Variants in VWA3A observed in about 807,000 individuals in gnomAD.
VWA3A encodes von Willebrand factor A domain containing 3A, also known as von Willebrand factor A domain-containing protein 3A.
A neutral mutation model predicts 160.4 loss-of-function variants in VWA3A; 134 were observed. The observed-to-expected ratio is 0.84, with a 90% CI of 0.73 to 0.96. The LOEUF is 0.96. VWA3A is among the 40% of genes least tolerant of loss of function. VWA3A has a pLI of 0.00. For missense variants in VWA3A, 1,310 were observed against 1,447.9 expected, an observed-to-expected ratio of 0.90 and a Z score of 1.55; for synonymous variants, 476 against 543.4, an observed-to-expected ratio of 0.88 and a Z score of 1.72.
chr16:22,110,953 C>G lies in VWA3A; in HGVS notation c.648C>G (p.Ala216=), dbSNP rs373840763. 32 of 1,610,256 alleles carry G rather than the reference C, an allele frequency of 2.0e-5. No homozygotes were observed. The highest frequency in any genetic ancestry group is 1.5e-4 in the Admixed American group (9 of 59,530). Residue 216 remains alanine (A), a synonymous_variant, in exon 8 of 34, where the codon GCC becomes GCG. Coordinates refer to ENST00000389398, the MANE Select transcript of VWA3A (RefSeq NM_173615.5). The part of the protein sequence containing the change: ...KLFVLSFGTN[A]GSLWPDPMEV... ...TTGTCCTGTCCTTTGGCACCAATGC[C>G]GGGTCCCTCTGGCCAGACCCCATGG...
intron 1 of VWA3A, among the ~76,000 whole-genome samples, chr16:22,095,941 A>C (rs1421150709): frequency 6.6e-6 from 1 of 152,046 alleles, no homozygotes; most frequent in Non-Finnish European, 1.5e-5. Context: ...TAGTTTTTTA[A>C]TATCAGTCTC....
At chr16:22,131,870 G>C (rs2045955508) in intron 19 of VWA3A, 141 bp downstream of exon 19, 2 of 1,235,686 alleles carry the variant, frequency 1.6e-6, no homozygotes, top group Admixed American at 3.0e-5. Flanking sequence ...AAGCACCTAA[G>C]GATGCTGTTA....
chr16:22,119,797 C>T (rs1598065403), intron 12 of VWA3A, among the ~76,000 whole-genome samples: 1 of 152,088 alleles, frequency 6.6e-6, no homozygotes, highest in Non-Finnish European at 1.5e-5. Context: ...GCAGGTGGAT[C>T]GCTTGAGGTG....
rs2046318173 is a variant in VWA3A at position 22,149,846 on chromosome 16, C to T, written c.3044C>T (p.Thr1015Ile). Reference protein sequence around the residue: ...FQSWQDTLVETTDAACHEAMQ... With the variant: ...FQSWQDTLVEITDAACHEAMQ... ...TCATGGCAGGACACGCTGGTGGAGACCACAGATGCAGCGTGTCATGAGGCT... is the reference window on the plus strand; with the variant it reads ...TCATGGCAGGACACGCTGGTGGAGATCACAGATGCAGCGTGTCATGAGGCT... Residue 1015 changes from threonine to isoleucine, a missense_variant, in exon 29 of 34, where the codon ACC becomes ATC. Physicochemically the swap from Thr to Ile is moderately conservative, Grantham distance 89 (BLOSUM62 -1). Coordinates refer to ENST00000389398, the MANE Select transcript of VWA3A (RefSeq NM_173615.5). 1 of 1,611,630 alleles carries T rather than the reference C, an allele frequency of 6.2e-7. No individual in the cohort carries two copies. The highest frequency in any genetic ancestry group is 1.7e-5 in the Admixed American group (1 of 59,794).
intron 5 of VWA3A, among the ~76,000 whole-genome samples, chr16:22,102,884 G>C (rs185393151): frequency 6.6e-6 from 1 of 152,082 alleles, no homozygotes; most frequent in Non-Finnish European, 1.5e-5. Flanking sequence ...GAAAGGAGAC[G>C]AGGTTACATG....
In VWA3A at chr16:22,148,317, AG is replaced by A; in HGVS notation, c.2984+14del. ...GAAGTGCTGTGACAGGTAGGAGGCG[AG>A]GGCTGATCAGGAAGATCAAAGGGGC... On this transcript the variant is annotated intron_variant, in intron 28 of 33. Transcript: ENST00000389398. 1 of 1,584,870 alleles carries A rather than the reference AG, an allele frequency of 6.3e-7. No individual in the cohort carries two copies. Among genetic ancestry groups the A allele is most frequent in the Admixed American group, 1.8e-5 (1 of 55,170 alleles).
intron 12 of VWA3A, 70 bp downstream of exon 12, chr16:22,119,097 C>A (rs1598064624): frequency 6.6e-7 from 1 of 1,518,612 alleles, no homozygotes; most frequent in East Asian, 2.5e-5. Flanking sequence ...TCCCCTTTCT[C>A]ACCTGTTCAT....
At chr16:22,095,112 C>A (rs1425877648) in intron 1 of VWA3A, among the ~76,000 whole-genome samples, 1 of 152,106 alleles carries the variant, frequency 6.6e-6, no homozygotes, top group African/African-American at 2.4e-5. Context: ...TTTAAAAAAT[C>A]CCTCTAATGA....
At chr16:22,100,964 C>CAAAA (rs59096934) in intron 5 of VWA3A, among the ~76,000 whole-genome samples, 1 of 60,774 alleles carries the variant, frequency 1.6e-5, no homozygotes, top group Non-Finnish European at 3.5e-5. Context: ...GACCCTGTCT[C>CAAAA]AAAAAAAAAA....
At chr16:22,147,539 G>A (rs897709587) in intron 27 of VWA3A, 14 of 702,282 alleles carry the variant, frequency 2.0e-5, no homozygotes, top group Middle Eastern at 2.4e-4. Context: ...GGCTTTGTAC[G>A]TGCCACTCAG....
chr16:22,138,283 C>G, intron 21 of VWA3A, 77 bp from the exon 22 acceptor site: 1 of 1,455,818 alleles, frequency 6.9e-7, no homozygotes, highest in Non-Finnish European at 9.2e-7. Context: ...TGGATACAGT[C>G]CCTCCTGCTG....
rs764795769 is a variant in VWA3A at position 22,133,094 on chromosome 16, A to AGGTAC, written c.2068_2068+4dup. On this transcript the variant is annotated frameshift_variant and splice_region_variant, in exon 20 of 34. Coordinates refer to ENST00000389398, the MANE Select transcript of VWA3A (RefSeq NM_173615.5). LOFTEE classifies it high-confidence loss of function. ...GCCGCTTCCACTGGTTTGGAGACAC[A>AGGTAC]GGTACATGACTGTTTCCTCATCCCT... is the stretch of plus-strand genomic sequence containing the variant. 6.2e-7 allele frequency: 1 copy of AGGTAC among 1,611,158 alleles called. No individual in the cohort carries two copies. Among genetic ancestry groups the AGGTAC allele is most frequent in the Non-Finnish European group, 8.5e-7 (1 of 1,178,730 alleles).
At position 22,100,114 on chromosome 16, in the gene VWA3A, C is replaced by T. The variant is rs1567526162; in HGVS notation, c.226-80C>T. 19 of 1,451,166 alleles carry T rather than the reference C, an allele frequency of 1.3e-5. 1 individual carries two copies. In the South Asian group the frequency reaches 2.1e-4, roughly 16 times the overall value. The allele number at this position is 1,451,166 out of a possible 1,614,324, so 89.9% of individuals were successfully genotyped here. On this transcript the variant is annotated intron_variant, in intron 3 of 33. Coordinates refer to ENST00000389398, the MANE Select transcript of VWA3A (RefSeq NM_173615.5). ...GATAGGGTCAGTCTGAGTTGGCGCC[C>T]GTTGGGTATCTGTGTGAAGGGAACC...
At chr16:22,116,349 G>T (rs529608565) in intron 9 of VWA3A, 36 of 414,464 alleles carry the variant, frequency 8.7e-5, no homozygotes, top group Non-Finnish European at 1.4e-4. Context: ...AAAGAAAAAA[G>T]AAAAGGAAGG....
chr16:22,144,344 C>T lies in VWA3A; in HGVS notation c.2690C>T (p.Ser897Phe), dbSNP rs144959211. The T allele has an allele frequency of 4.5e-5, 72 of 1,613,942 alleles. 2 individuals are homozygous for T. The East Asian group carries it at 1.4e-3, about 31-fold the overall frequency. The stretch of plus-strand genomic sequence containing the variant: ...CAAAAGTCAGGACAGAGGTCAGCAT[C>T]CGCCAAACACTGCAGCATCTTCCCC... ...THQKSGQRSASAKHCSIFPSV... is the reference protein window; with the variant it reads ...THQKSGQRSAFAKHCSIFPSV... The change falls in exon 26 of 34, where the codon TCC becomes TTC. Residue 897 changes from serine (S) to phenylalanine (F), a missense_variant. By Grantham distance (155) the Ser-to-Phe change is radical. Coordinates refer to ENST00000389398, the MANE Select transcript of VWA3A (RefSeq NM_173615.5).
chr16:22,138,421 T>A lies in VWA3A; in HGVS notation c.2201T>A (p.Leu734His). Residue 734 changes from leucine (L) to histidine (H), a missense_variant, in exon 22 of 34, where the codon CTC becomes CAC. By Grantham distance (99) the Leu-to-His change is moderately conservative. Coordinates refer to ENST00000389398, the MANE Select transcript of VWA3A (RefSeq NM_173615.5). ...HSGKVLGSSA[L>H]PKEKPKTLQL... is the part of the protein sequence containing the mutation. Reference sequence around the variant, plus strand: ...GGAAAAGTACTGGGAAGTTCAGCCCTCCCGAAAGAAAAACCAAAGACACTT... The same window carrying A: ...GGAAAAGTACTGGGAAGTTCAGCCCACCCGAAAGAAAAACCAAAGACACTT... 1 of 1,611,924 alleles carries A rather than the reference T, an allele frequency of 6.2e-7. No homozygotes were observed. Among genetic ancestry groups the A allele is most frequent in the Non-Finnish European group, 8.5e-7 (1 of 1,179,266 alleles).
In VWA3A at chr16:22,128,182, G is replaced by A. The variant is rs567344993; in HGVS notation, c.1652+1885G>A. 2.7e-4 allele frequency among the ~76,000 whole-genome samples: 41 copies of A among 152,286 alleles called. 2 individuals carry two copies. In the South Asian group the frequency reaches 8.1e-3, roughly 30 times the overall value. ...GGATTGATATAGGCCATGCTCACGA[G>A]TTTCCTGTGCTATAGGATATAAAGG... On this transcript the variant is annotated intron_variant, in intron 17 of 33. Transcript: ENST00000389398.
intron 1 of VWA3A, 89 bp downstream of exon 1, chr16:22,092,740 G>A (rs1180855922): frequency 1.3e-5 from 19 of 1,511,336 alleles, no homozygotes; most frequent in Middle Eastern, 1.7e-4. Flanking sequence ...TGAGAAGATC[G>A]AGGGAGCTTG....
intron 17 of VWA3A, among the ~76,000 whole-genome samples, chr16:22,130,762 C>A (rs1382312759): frequency 1.3e-5 from 2 of 152,032 alleles, no homozygotes; most frequent in African/African-American, 4.8e-5. Flanking sequence ...TGCCACTATA[C>A]CCAGCTAATT....
Sources: gnomAD v4.1 joint callset for allele counts (sites outside exome capture counted in the v4.1 genomes callset) on GRCh38, gnomAD v4.1.1 for gene constraint, MANE v1.5 for transcripts, NCBI Gene and HGNC (gene_info 2026-07-23, HGNC 2026-07-21) for gene names.